PARD3: variants seen among roughly 807,000 people sequenced by gnomAD.
PARD3 encodes par-3 family cell polarity regulator, also known as partitioning defective 3 homolog.
PARD3 carries 75 observed loss-of-function variants against 155.4 expected under a neutral mutation model. The observed-to-expected ratio is 0.48, with a 90% CI of 0.40 to 0.58. The LOEUF (loss-of-function observed/expected upper bound fraction) is 0.58, where lower values mean the gene tolerates loss of function less well. Among genes scored for constraint, PARD3 ranks in the 20% least tolerant of loss-of-function variants. The pLI, the probability that PARD3 is intolerant of heterozygous loss-of-function variation, is 0.00. For missense variants in PARD3, 1,642 were observed against 1,721.7 expected (o/e 0.95, Z 0.82); for synonymous variants, 576 against 610.5 (o/e 0.94, Z 0.83).
chr10:34,485,011 C>A (rs1392139510), intron 3 of PARD3, among the ~76,000 whole-genome samples: 1 of 152,168 alleles, frequency 6.6e-6, no homozygotes, highest in African/African-American at 2.4e-5. Context: ...AGAGGCCAGG[C>A]CCTTAAAAGT....
At chr10:34,141,159 G>A (rs1010128864) in intron 22 of PARD3, among the ~76,000 whole-genome samples, 2 of 152,150 alleles carry the variant, frequency 1.3e-5, no homozygotes, top group Non-Finnish European at 2.9e-5. Context: ...TATAGAGAAA[G>A]TCTAAACTGA....
intron 22 of PARD3, among the ~76,000 whole-genome samples, chr10:34,249,697 G>T (rs2133724935): frequency 6.6e-6 from 1 of 152,198 alleles, no homozygotes; most frequent in South Asian, 2.1e-4. Context: ...TCTGTCTCTG[G>T]CTCTGATCTG....
At chr10:34,347,319 A>G (rs1018661469) in intron 15 of PARD3, among the ~76,000 whole-genome samples, 1 of 152,262 alleles carries the variant, frequency 6.6e-6, no homozygotes. Flanking sequence ...ATCTGTTAGT[A>G]GAAAGCTGAA....
intron 1 of PARD3, among the ~76,000 whole-genome samples, chr10:34,697,035 A>AACACAC (rs538032384): frequency 7.3e-6 from 1 of 136,856 alleles, no homozygotes; most frequent in African/African-American, 2.9e-5. Context: ...AAAATGCGTA[A>AACACAC]ACACACACAC....
At chr10:34,525,916 A>C (rs1239967807) in intron 2 of PARD3, among the ~76,000 whole-genome samples, 5 of 151,626 alleles carry the variant, frequency 3.3e-5, no homozygotes, top group African/African-American at 1.2e-4. Flanking sequence ...CCTCGTCTCT[A>C]CTAAAAATAC....
intron 4 of PARD3, among the ~76,000 whole-genome samples, chr10:34,462,778 G>A (rs1564741226): frequency 6.6e-6 from 1 of 151,636 alleles, no homozygotes; most frequent in Non-Finnish European, 1.5e-5. Flanking sequence ...AGTTGAAACT[G>A]CAGTAAGCCA....
At chr10:34,264,501 T>G (rs924888338) in intron 22 of PARD3, among the ~76,000 whole-genome samples, 1 of 152,170 alleles carries the variant, frequency 6.6e-6, no homozygotes, top group African/African-American at 2.4e-5. Context: ...CTAGAAGAGC[T>G]GCTCACAGGA....
intron 20 of PARD3, among the ~76,000 whole-genome samples, chr10:34,287,549 ATTGG>A (rs1262739572): frequency 6.6e-6 from 1 of 152,110 alleles, no homozygotes; most frequent in Non-Finnish European, 1.5e-5. Flanking sequence ...AAAGATTTAG[ATTGG>A]TTGATTTTGC....
chr10:34,812,017 G>C (rs1844244735), intron 1 of PARD3, among the ~76,000 whole-genome samples: 1 of 152,244 alleles, frequency 6.6e-6, no homozygotes, highest in South Asian at 2.1e-4. Context: ...TCTTTCAGGA[G>C]AGGAAAAAAG....
chr10:34,358,192 T>C (rs1306176347), intron 14 of PARD3, among the ~76,000 whole-genome samples: 1 of 152,168 alleles, frequency 6.6e-6, no homozygotes, highest in Non-Finnish European at 1.5e-5. Context: ...AATGGATCCA[T>C]GAAATTTAGC....
At chr10:34,603,963 T>C (rs552857580) in intron 2 of PARD3, among the ~76,000 whole-genome samples, 2 of 152,204 alleles carry the variant, frequency 1.3e-5, no homozygotes, top group East Asian at 3.9e-4. Context: ...GTGTCTTCAG[T>C]CCCAGGTGCG....
Position 34,191,976 on chromosome 10 carries a change from C to G in PARD3, c.3420-60393G>C, listed in dbSNP as rs536713859. 2.6e-5 allele frequency among the ~76,000 whole-genome samples: 4 copies of G among 152,244 alleles called. No homozygotes were observed. The East Asian group carries it at 7.7e-4, about 29-fold the overall frequency. On this transcript the variant is annotated intron_variant, in intron 22 of 24. Transcript: ENST00000374788. ...GCTCAGCTGAAATTGGAGGAATATG[C>G]CATCTGGTAGAAAGCAAGAACTCTC... is the stretch of plus-strand genomic sequence containing the variant.
At chr10:34,771,119 T>C (rs1838808985) in intron 1 of PARD3, among the ~76,000 whole-genome samples, 1 of 152,234 alleles carries the variant, frequency 6.6e-6, no homozygotes, top group Admixed American at 6.5e-5. Context: ...ATGCAAGCCC[T>C]GTGATTTTCA....
intron 22 of PARD3, among the ~76,000 whole-genome samples, chr10:34,134,715 T>G (rs756996325): frequency 6.6e-6 from 1 of 152,312 alleles, no homozygotes; most frequent in East Asian, 1.9e-4. Flanking sequence ...AACCACTTAA[T>G]GGCTGAAGTT....
At chr10:34,506,594 G>C (rs2081080363) in intron 3 of PARD3, among the ~76,000 whole-genome samples, 1 of 152,114 alleles carries the variant, frequency 6.6e-6, no homozygotes, top group Non-Finnish European at 1.5e-5. Context: ...TGTTATCTAA[G>C]TCTGCTCCAC....
intron 21 of PARD3, among the ~76,000 whole-genome samples, chr10:34,282,694 A>G (rs1299944653): frequency 1.3e-5 from 2 of 152,224 alleles, no homozygotes; most frequent in East Asian, 3.9e-4. Flanking sequence ...AGTAAATTAC[A>G]TATTTGCCTG....
intron 2 of PARD3, among the ~76,000 whole-genome samples, chr10:34,653,517 C>A (rs2133076243): frequency 6.6e-6 from 1 of 152,284 alleles, no homozygotes; most frequent in African/African-American, 2.4e-5. Context: ...ACAAGGAACA[C>A]AAAACCAGCA....
At position 34,269,789 on chromosome 10, in the gene PARD3, C is replaced by T. The variant is rs41276092; in HGVS notation, c.3287G>A (p.Gly1096Glu). ...TFGCDDELMY[G>E]GVSSYEGSMA... Reference sequence around the variant, plus strand: ...GGAACCTTCATAAGAAGAAACTCCCCCATACATTAACTCATCATCACAGCC... The same window carrying T: ...GGAACCTTCATAAGAAGAAACTCCCTCATACATTAACTCATCATCACAGCC... Residue 1096 changes from glycine to glutamate, a missense_variant, in exon 22 of 25, where the codon GGG becomes GAG. By Grantham distance (98) the Gly-to-Glu change is moderately conservative (BLOSUM62 -2). Transcript: ENST00000374788. 4.8e-5 allele frequency: 78 copies of T among 1,613,934 alleles called. No homozygotes were observed. Among genetic ancestry groups the T allele is most frequent in the Non-Finnish European group, 6.4e-5 (75 of 1,179,948 alleles).
At chr10:34,485,113 A>G (rs7900832) in intron 3 of PARD3, among the ~76,000 whole-genome samples, 13,277 of 152,252 alleles carry the variant, frequency 0.087, 1,769 homozygotes, top group African/African-American at 0.29. Context: ...CAAGGCAGGC[A>G]GATCACCTTA....
Sources: allele counts gnomAD v4.1 joint callset (sites outside exome capture counted in the v4.1 genomes callset), GRCh38; gene constraint gnomAD v4.1.1; transcripts MANE v1.5; gene names NCBI Gene and HGNC (gene_info 2026-07-23, HGNC 2026-07-21).